SLC22A3: variants seen among roughly 807,000 people sequenced by gnomAD.
SLC22A3 encodes the protein solute carrier family 22 member 3, also known as EMT organic cation transporter 3.
In SLC22A3, 51 loss-of-function variants were observed where a neutral mutation model predicts 59.1. The ratio of observed to expected loss-of-function variants is 0.86; its 90% confidence interval spans 0.69 to 1.09. The LOEUF is 1.09. SLC22A3 is among the 50% of genes least tolerant of loss of function. The pLI, the probability that SLC22A3 is intolerant of heterozygous loss-of-function variation, is 0.00. For missense variants in SLC22A3, 711 were observed against 726.3 expected (o/e 0.98, Z 0.24); for synonymous variants, 325 against 292.0 (o/e 1.11, Z -1.15).
chr6:160,404,756 G>A (rs1032595555), intron 2 of SLC22A3, among the ~76,000 whole-genome samples: 1 of 151,460 alleles, frequency 6.6e-6, no homozygotes, highest in Non-Finnish European at 1.5e-5. Context: ...TCTACCAATA[G>A]TTCAGTGGAA....
At chr6:160,412,099 C>T (rs1344080418) in intron 5 of SLC22A3, among the ~76,000 whole-genome samples, 1 of 152,148 alleles carries the variant, frequency 6.6e-6, no homozygotes, top group Non-Finnish European at 1.5e-5. Flanking sequence ...CGGTGGCTCA[C>T]ACCTGTAATC....
intron 1 of SLC22A3, among the ~76,000 whole-genome samples, chr6:160,364,813 AT>A (rs1168344514): frequency 2.0e-5 from 3 of 152,328 alleles, no homozygotes; most frequent in Admixed American, 2.0e-4. Flanking sequence ...CTGAAATGGT[AT>A]AAGAAACCTA....
chr6:160,421,301 C>T (rs966026763), intron 5 of SLC22A3, among the ~76,000 whole-genome samples: 1 of 152,204 alleles, frequency 6.6e-6, no homozygotes, highest in Admixed American at 6.5e-5. Context: ...GAGCCAAAGC[C>T]CTTTCCTTTC....
chr6:160,419,719 C>G (rs1562493753), intron 5 of SLC22A3, among the ~76,000 whole-genome samples: 1 of 152,174 alleles, frequency 6.6e-6, no homozygotes, highest in Non-Finnish European at 1.5e-5. Context: ...ACCAGCAAAG[C>G]CTTCATCTTT....
rs574223667 is a variant in SLC22A3, at chr6:160,414,754, G to A, written c.975+3908G>A. Among the ~76,000 whole-genome samples, 10 of 152,268 alleles carry A rather than the reference G, an allele frequency of 6.6e-5. No homozygotes were observed. The South Asian group carries it at 1.7e-3, about 25-fold the overall frequency. On this transcript the variant is annotated intron_variant, in intron 5 of 10. Coordinates refer to ENST00000275300, the MANE Select transcript of SLC22A3 (RefSeq NM_021977.4). Reference sequence around the variant, plus strand: ...ACTCACTATCATGAGAACAACATGAGGGTAACCATCCCCATGATTCAATTA... The same window carrying A: ...ACTCACTATCATGAGAACAACATGAAGGTAACCATCCCCATGATTCAATTA...
chr6:160,383,134 C>T (rs1442532570), intron 1 of SLC22A3, among the ~76,000 whole-genome samples: 1 of 152,218 alleles, frequency 6.6e-6, no homozygotes, highest in African/African-American at 2.4e-5. Context: ...GCCAGGAACA[C>T]TCATTTACCA....
At chr6:160,350,853 C>T (rs1206128250) in intron 1 of SLC22A3, among the ~76,000 whole-genome samples, 1 of 152,168 alleles carries the variant, frequency 6.6e-6, no homozygotes, top group Non-Finnish European at 1.5e-5. Context: ...GGGTCAGGGG[C>T]TGGCTCGGTC....
intron 1 of SLC22A3, among the ~76,000 whole-genome samples, chr6:160,375,316 G>T (rs776760746): frequency 2.6e-5 from 4 of 152,170 alleles, no homozygotes; most frequent in African/African-American, 4.8e-5. Flanking sequence ...CTAAGTCTGA[G>T]CCAAGATAAA....
At chr6:160,387,632 A>G (rs991092982) in intron 1 of SLC22A3, among the ~76,000 whole-genome samples, 1 of 152,154 alleles carries the variant, frequency 6.6e-6, no homozygotes, top group Non-Finnish European at 1.5e-5. Flanking sequence ...TCATGGGAGT[A>G]GTGTTTATAG....
intron 2 of SLC22A3, among the ~76,000 whole-genome samples, chr6:160,399,936 CAT>C (rs2114837305): frequency 6.6e-6 from 1 of 152,208 alleles, no homozygotes; most frequent in South Asian, 2.1e-4. Context: ...TACAGAGAAT[CAT>C]AACACAGGCG....
At chr6:160,374,637 G>A (rs974044094) in intron 1 of SLC22A3, among the ~76,000 whole-genome samples, 1 of 152,180 alleles carries the variant, frequency 6.6e-6, no homozygotes, top group Non-Finnish European at 1.5e-5. Context: ...AAATTACCCA[G>A]CGTGTGTGGA....
At chr6:160,386,464 A>G (rs2114806698) in intron 1 of SLC22A3, among the ~76,000 whole-genome samples, 1 of 152,328 alleles carries the variant, frequency 6.6e-6, no homozygotes, top group Non-Finnish European at 1.5e-5. Flanking sequence ...ATTCTGAGAA[A>G]ATCTTATAAA....
chr6:160,363,839 G>A (rs982942865), intron 1 of SLC22A3, among the ~76,000 whole-genome samples: 1 of 151,766 alleles, frequency 6.6e-6, no homozygotes, highest in Non-Finnish European at 1.5e-5. Flanking sequence ...CTTGATGACT[G>A]TTCAGCATGC....
At chr6:160,381,823 C>T (rs559054989) in intron 1 of SLC22A3, among the ~76,000 whole-genome samples, 1 of 152,274 alleles carries the variant, frequency 6.6e-6, no homozygotes, top group African/African-American at 2.4e-5. Flanking sequence ...ACTGTCCTAC[C>T]TCTGAGATTC....
At chr6:160,437,327 G>A (rs1007767012) in intron 7 of SLC22A3, 116 bp downstream of exon 7, 61 of 1,036,236 alleles carry the variant, frequency 5.9e-5, no homozygotes, top group Middle Eastern at 4.4e-4. Context: ...ACAGTCTTTC[G>A]TGATGTCACT....
intron 1 of SLC22A3, among the ~76,000 whole-genome samples, chr6:160,381,006 T>G (rs1462928376): frequency 6.6e-6 from 1 of 152,158 alleles, no homozygotes; most frequent in Admixed American, 6.5e-5. Flanking sequence ...AATATGCCAG[T>G]GCAGCCGAGA....
At chr6:160,429,493 C>T (rs1410356618) in intron 5 of SLC22A3, among the ~76,000 whole-genome samples, 5 of 152,276 alleles carry the variant, frequency 3.3e-5, no homozygotes, top group African/African-American at 4.8e-5. Context: ...GGAGGACTCA[C>T]GTTTCTGCAC....
At position 160,394,741 on chromosome 6, in the gene SLC22A3, G is replaced by C. The variant is rs557269419; in HGVS notation, c.430-3238G>C. Among the ~76,000 whole-genome samples the C allele has an allele frequency of 2.6e-5, 4 of 152,356 alleles. No homozygotes were observed. The South Asian group carries it at 8.3e-4, about 32-fold the overall frequency. On this transcript the variant is annotated intron_variant, in intron 1 of 10. Coordinates refer to ENST00000275300, the MANE Select transcript of SLC22A3 (RefSeq NM_021977.4). ...CTGTTTTGGAAGAGCTGAAGAAGAA[G>C]GAGAGGACAGGGGTCAGGAAGGACA... is the stretch of plus-strand genomic sequence containing the variant.
rs184689594 is a variant in SLC22A3 at position 160,446,426 on chromosome 6, G to A, written c.1511-1293G>A. On this transcript the variant is annotated intron_variant, in intron 9 of 10. Coordinates refer to ENST00000275300, the MANE Select transcript of SLC22A3 (RefSeq NM_021977.4). Reference sequence around the variant, plus strand: ...GTTTAATTGACTCACAGTTTCACATGACTGGGGAAGCCTCAGGAAACTTAC... The same window carrying A: ...GTTTAATTGACTCACAGTTTCACATAACTGGGGAAGCCTCAGGAAACTTAC... Among the ~76,000 whole-genome samples the A allele has an allele frequency of 5.4e-3, 827 of 152,334 alleles. 5 individuals are homozygous for A. The highest frequency in any genetic ancestry group is 0.014 in the Middle Eastern group (4 of 294).
Sources: allele counts gnomAD v4.1 joint callset (sites outside exome capture counted in the v4.1 genomes callset), GRCh38; gene constraint gnomAD v4.1.1; transcripts MANE v1.5; gene names NCBI Gene and HGNC (gene_info 2026-07-23, HGNC 2026-07-21).